DCT: variants seen among roughly 807,000 people sequenced by gnomAD.
DCT encodes dopachrome tautomerase, also known as L-dopachrome tautomerase.
Under a neutral mutation model 53.0 loss-of-function variants are expected in DCT, and 47 were observed. The observed-to-expected ratio is 0.89, with a 90% CI of 0.70 to 1.13. DCT has a LOEUF of 1.13. Among genes scored for constraint, DCT ranks in the 50% most tolerant of loss-of-function variants. DCT has a pLI of 0.00. For missense variants in DCT, 669 were observed against 637.4 expected (o/e 1.05, Z -0.53); for synonymous variants, 244 against 237.0 (o/e 1.03, Z -0.27).
At chr13:94,466,207 T>C (rs776744448) in intron 3 of DCT, among the ~76,000 whole-genome samples, 1 of 151,378 alleles carries the variant, frequency 6.6e-6, no homozygotes, top group Non-Finnish European at 1.5e-5. Flanking sequence ...AGTGAATACA[T>C]AGAGAGTTAC....
chr13:94,446,748 C>T (rs2139286767), intron 6 of DCT, among the ~76,000 whole-genome samples: 1 of 152,254 alleles, frequency 6.6e-6, no homozygotes, highest in East Asian at 1.9e-4. Flanking sequence ...AGACCTCACT[C>T]CTACCTTCTC....
At chr13:94,487,370 T>G in the DCT span, among the ~76,000 whole-genome samples, 2 of 152,240 alleles carry the variant, frequency 1.3e-5, no homozygotes, top group African/African-American at 4.8e-5. Context: ...CTGCATACTT[T>G]CATTTTGCAT....
chr13:94,524,840 A>C, the DCT span, among the ~76,000 whole-genome samples: 1 of 152,138 alleles, frequency 6.6e-6, no homozygotes, highest in African/African-American at 2.4e-5. Flanking sequence ...AGTTAAGATG[A>C]GGTCACAAGG....
chr13:94,464,422 G>A (rs1038809010), intron 4 of DCT, among the ~76,000 whole-genome samples: 2 of 152,068 alleles, frequency 1.3e-5, no homozygotes, highest in African/African-American at 4.8e-5. Flanking sequence ...GGCAGATTAC[G>A]TGAGGTCAGG....
the DCT span, among the ~76,000 whole-genome samples, chr13:94,535,931 G>A: frequency 6.6e-6 from 1 of 152,104 alleles, no homozygotes; most frequent in African/African-American, 2.4e-5. Flanking sequence ...CCTGCCACCC[G>A]TAGAGGCTCT....
At chr13:94,504,921 T>A in the DCT span, among the ~76,000 whole-genome samples, 1 of 152,056 alleles carries the variant, frequency 6.6e-6, no homozygotes, top group Non-Finnish European at 1.5e-5. Context: ...CTCTTCTCAT[T>A]GGACTGTGTG....
chr13:94,478,352 C>A (rs534638609), intron 1 of DCT, among the ~76,000 whole-genome samples: 1 of 152,200 alleles, frequency 6.6e-6, no homozygotes, highest in African/African-American at 2.4e-5. Context: ...TGGCGGGTGC[C>A]TGTAATCCCA....
chr13:94,468,489 C>G (rs1884376473), intron 2 of DCT: 3 of 374,378 alleles, frequency 8.0e-6, no homozygotes, highest in South Asian at 5.4e-5. Flanking sequence ...AACAGCTTCA[C>G]AGAGAAAAGT....
the DCT span, among the ~76,000 whole-genome samples, chr13:94,533,804 C>T: frequency 1.6e-4 from 25 of 151,980 alleles, no homozygotes; most frequent in African/African-American, 4.6e-4. Context: ...AGAAAGAAAT[C>T]GAGCAAATGT....
chr13:94,495,760 G>C, the DCT span, among the ~76,000 whole-genome samples: 3 of 152,198 alleles, frequency 2.0e-5, no homozygotes, highest in African/African-American at 7.2e-5. Context: ...AAGGGAGAGA[G>C]AGACATGGTT....
chr13:94,513,838 T>C, the DCT span, among the ~76,000 whole-genome samples: 946 of 151,884 alleles, frequency 6.2e-3, 3 homozygotes, highest in South Asian at 0.014. Context: ...ATACAAAAAT[T>C]AGCCAGGCAT....
the DCT span, among the ~76,000 whole-genome samples, chr13:94,542,913 C>T: frequency 6.6e-5 from 10 of 151,982 alleles, no homozygotes; most frequent in Non-Finnish European, 1.2e-4. Context: ...TCTCTGTTCA[C>T]GGTGGGAAAA....
chr13:94,548,261 T>C, the DCT span, among the ~76,000 whole-genome samples: 1 of 151,926 alleles, frequency 6.6e-6, no homozygotes, highest in Non-Finnish European at 1.5e-5. Context: ...CTTCATAAGG[T>C]TGTTATGAAG....
At chr13:94,511,362 CTTT>C in the DCT span, among the ~76,000 whole-genome samples, 3 of 83,552 alleles carry the variant, frequency 3.6e-5, no homozygotes, top group Admixed American at 1.2e-4. Flanking sequence ...CTCTCTCTCT[CTTT>C]TTTTTTTTTT....
chr13:94,485,522 C>A, the DCT span, among the ~76,000 whole-genome samples: 1 of 152,188 alleles, frequency 6.6e-6, no homozygotes, highest in South Asian at 2.1e-4. Context: ...AAGCTGCAAT[C>A]CCATCAACCT....
At chr13:94,518,427 C>T in the DCT span, among the ~76,000 whole-genome samples, 14,235 of 152,214 alleles carry the variant, frequency 0.094, 1,576 homozygotes, top group African/African-American at 0.27. Flanking sequence ...TGATCTCACT[C>T]TCCAAACTTA....
chr13:94,540,538 C>G, the DCT span, among the ~76,000 whole-genome samples: 2 of 152,178 alleles, frequency 1.3e-5, no homozygotes, highest in South Asian at 4.2e-4. Flanking sequence ...AACGCATGGC[C>G]AACAGGTACA....
At chr13:94,475,890 T>C (rs773241457) in intron 1 of DCT, among the ~76,000 whole-genome samples, 1 of 152,234 alleles carries the variant, frequency 6.6e-6, no homozygotes, top group African/African-American at 2.4e-5. Context: ...ATTGAACTTA[T>C]AGATACAGTA....
chr13:94,548,053 C>T, the DCT span, among the ~76,000 whole-genome samples: 1 of 147,456 alleles, frequency 6.8e-6, no homozygotes, highest in Admixed American at 6.7e-5. Flanking sequence ...TCTGGTGAGC[C>T]AGACAAAAAC....
Sources: gnomAD v4.1 joint callset for allele counts (sites outside exome capture counted in the v4.1 genomes callset) on GRCh38, gnomAD v4.1.1 for gene constraint, MANE v1.5 for transcripts, NCBI Gene and HGNC (gene_info 2026-07-23, HGNC 2026-07-21) for gene names.